Variants in OC90 observed in about 807,000 individuals in gnomAD.
The protein encoded by OC90 is otoconin-90.
In OC90, 46 loss-of-function variants were observed where a neutral mutation model predicts 47.3. That is an observed-to-expected ratio of 0.97 (90% CI 0.77 to 1.24). The LOEUF (loss-of-function observed/expected upper bound fraction) is 1.24, where lower values mean the gene tolerates loss of function less well. Ranked by LOEUF, OC90 falls within the 50% of genes most tolerant of loss-of-function variation. The probability of loss-of-function intolerance (pLI) is 0.00; values close to 1 mark genes in which losing one functional copy is unlikely to be tolerated. For synonymous variants in OC90, 271 were observed against 219.5 expected (o/e 1.23, Z -2.07); for missense variants, 688 against 583.9 (o/e 1.18, Z -1.84).
chr8:132,025,366 CTTTCCTCTGGGGACATGTCCAGG>C (rs1340270166), intron 13 of OC90, among the ~76,000 whole-genome samples: 4 of 152,170 alleles, frequency 2.6e-5, no homozygotes, highest in African/African-American at 9.7e-5. Flanking sequence ...GCGAGTTTGA[CTTTCCTCTGGGGACATGTCCAGG>C]CATGCACAGT....
intron 2 of OC90, among the ~76,000 whole-genome samples, chr8:132,054,103 C>T (rs1823250900): frequency 6.6e-6 from 1 of 152,166 alleles, no homozygotes; most frequent in Admixed American, 6.5e-5. Flanking sequence ...TGACCAAGGG[C>T]CTACGGCTGT....
chr8:132,038,028 A>C (rs945362981), intron 8 of OC90, among the ~76,000 whole-genome samples: 1 of 152,154 alleles, frequency 6.6e-6, no homozygotes, highest in Non-Finnish European at 1.5e-5. Context: ...CTGCATGACT[A>C]GTTCTGGGAG....
At chr8:132,050,617 C>T (rs905221158) in intron 2 of OC90, among the ~76,000 whole-genome samples, 2 of 152,166 alleles carry the variant, frequency 1.3e-5, no homozygotes, top group African/African-American at 4.8e-5. Context: ...GTTCTTTCCT[C>T]GTTGAGCCTC....
At chr8:132,025,673 C>A (rs570532616) in intron 13 of OC90, among the ~76,000 whole-genome samples, 1 of 152,368 alleles carries the variant, frequency 6.6e-6, no homozygotes, top group Admixed American at 6.5e-5. Context: ...ACACTCAAAT[C>A]TTTCAAGTTG....
intron 10 of OC90, 63 bp downstream of exon 10, chr8:132,034,718 G>T: frequency 8.9e-7 from 1 of 1,121,272 alleles, no homozygotes; most frequent in Non-Finnish European, 1.3e-6. Flanking sequence ...TATCATAAAT[G>T]TGTCAAGGAC....
intron 1 of OC90, 98 bp downstream of exon 1, chr8:132,059,240 TCTC>T (rs1823315479): frequency 6.7e-6 from 1 of 149,796 alleles, no homozygotes; most frequent in African/African-American, 2.5e-5. Flanking sequence ...CCTCCCTTCT[TCTC>T]TTCTCCCATT....
intron 10 of OC90, among the ~76,000 whole-genome samples, chr8:132,033,472 T>G (rs1280674662): frequency 6.6e-6 from 1 of 152,122 alleles, no homozygotes; most frequent in Non-Finnish European, 1.5e-5. Flanking sequence ...GCCTGCCCAG[T>G]GAAGGGGCAT....
rs748464555 is a variant in OC90 at position 132,034,852 on chromosome 8, G to C, written c.680-18C>G. 1.2e-6 allele frequency: 2 copies of C among 1,604,852 alleles called. No individual in the cohort carries two copies. The highest frequency in any genetic ancestry group is 1.3e-5 in the African/African-American group (1 of 74,930). On this transcript the variant is annotated intron_variant, in intron 9 of 13. Transcript: ENST00000254627. ...GCCTGCTTCTGTTCCCCAAAGAAGA[G>C]AGACAGCATGAGCATCCACCCCAGC...
Position 132,039,118 on chromosome 8 carries a change from T to G in OC90, c.463A>C (p.Lys155Gln). 6.2e-7 allele frequency: 1 copy of G among 1,605,790 alleles called. No homozygotes were observed. The highest frequency in any genetic ancestry group is 8.5e-7 in the Non-Finnish European group (1 of 1,176,036). Residue 155 changes from lysine (K) to glutamine (Q), a missense_variant, in exon 7 of 14, where the codon AAG (lysine) becomes CAG (glutamine). Coordinates refer to ENST00000254627, the MANE Select transcript of OC90 (RefSeq NM_001080399.3). ...CACAGCAGGTGCTCACAGTTGTCCT[T>G]GGACTCTGCACACAGCAAGAGCATA... ...CVSKKIICES[K>Q]DNCEHLLCTC...
intron 6 of OC90, among the ~76,000 whole-genome samples, chr8:132,040,773 AG>A (rs1453133166): frequency 6.6e-6 from 1 of 152,258 alleles, no homozygotes; most frequent in African/African-American, 2.4e-5. Context: ...GCCCTTCCCA[AG>A]GTCTCAGGGT....
At chr8:132,056,408 G>A (rs11986530) in intron 1 of OC90, among the ~76,000 whole-genome samples, 10,487 of 152,186 alleles carry the variant, frequency 0.069, 1,085 homozygotes, top group African/African-American at 0.22. Flanking sequence ...CCTATCCCAG[G>A]GTCTAGCACA....
chr8:132,054,214 G>C (rs12115180), intron 2 of OC90, among the ~76,000 whole-genome samples: 1 of 152,148 alleles, frequency 6.6e-6, no homozygotes, highest in Non-Finnish European at 1.5e-5. Context: ...AGTGGGCAAG[G>C]CTCCTGGGGC....
At chr8:132,028,664 AAGAG>A (rs1380975715) in intron 13 of OC90, among the ~76,000 whole-genome samples, 7 of 131,018 alleles carry the variant, frequency 5.3e-5, no homozygotes, top group Admixed American at 1.6e-4. Context: ...GAAAGAAAGA[AAGAG>A]AGACAGAAAG....
At chr8:132,029,287 G>C in intron 12 of OC90, 108 bp from the exon 13 acceptor site, 2 of 823,652 alleles carry the variant, frequency 2.4e-6, no homozygotes, top group East Asian at 2.5e-5. Context: ...AGGGAAGCCA[G>C]TGCCTCCTTT....
intron 1 of OC90, among the ~76,000 whole-genome samples, chr8:132,056,792 T>G (rs1343048224): frequency 6.6e-6 from 1 of 152,228 alleles, no homozygotes; most frequent in Non-Finnish European, 1.5e-5. Flanking sequence ...ATTGAAATGA[T>G]ACCCACATGA....
intron 1 of OC90, among the ~76,000 whole-genome samples, chr8:132,057,763 C>T (rs1466726796): frequency 6.6e-6 from 1 of 152,238 alleles, no homozygotes; most frequent in East Asian, 1.9e-4. Context: ...TTCCACTGAG[C>T]ATGCCCCACT....
intron 13 of OC90, 144 bp downstream of exon 13, chr8:132,028,927 AGG>A: frequency 8.7e-6 from 5 of 574,146 alleles, no homozygotes; most frequent in South Asian, 2.3e-5. Flanking sequence ...GAAGGAAGGA[AGG>A]GAAGGAAGGA....
intron 13 of OC90, among the ~76,000 whole-genome samples, chr8:132,028,762 T>C (rs1382637562): frequency 4.6e-5 from 4 of 86,098 alleles, no homozygotes; most frequent in South Asian, 3.6e-4. Context: ...AAGAGAGAGA[T>C]AGAGAGAAAG....
At chr8:132,035,859 A>G (rs971467302) in intron 9 of OC90, among the ~76,000 whole-genome samples, 1 of 152,224 alleles carries the variant, frequency 6.6e-6, no homozygotes, top group African/African-American at 2.4e-5. Flanking sequence ...ACTAATTCAG[A>G]GGATGTTTGT....
Sources: gnomAD v4.1 joint callset for allele counts (sites outside exome capture counted in the v4.1 genomes callset) on GRCh38, gnomAD v4.1.1 for gene constraint, MANE v1.5 for transcripts, NCBI Gene and HGNC (gene_info 2026-07-23, HGNC 2026-07-21) for gene names.